Variants in TARP observed in about 807,000 individuals in gnomAD.
the TARP span, among the ~76,000 whole-genome samples, chr7:38,272,233 G>T: frequency 1.4e-4 from 21 of 150,222 alleles, no homozygotes; most frequent in Non-Finnish European, 2.8e-4. Flanking sequence ...ACCTTTCGTG[G>T]GTAGTAACTT....
At chr7:38,269,600 T>C in the TARP span, 1 of 623,986 alleles carries the variant, frequency 1.6e-6, no homozygotes. Context: ...CTTCAAATTC[T>C]GGTGGTCTGG....
chr7:38,265,336 C>G, the TARP span: 2 of 1,584,126 alleles, frequency 1.3e-6, no homozygotes, highest in Non-Finnish European at 1.7e-6. Flanking sequence ...AGATGATATG[C>G]GTAAACACAT....
the TARP span, chr7:38,259,919 C>T: frequency 3.2e-6 from 2 of 628,456 alleles, no homozygotes; most frequent in Non-Finnish European, 5.3e-6. Context: ...GAGTGAGGTT[C>T]TCTGTGTGCC....
the TARP span, among the ~76,000 whole-genome samples, chr7:38,267,950 A>T: frequency 6.6e-6 from 1 of 151,436 alleles, no homozygotes; most frequent in Non-Finnish European, 1.5e-5. Context: ...CCCTTTCTTT[A>T]GCTAGATTCT....
At chr7:38,268,867 G>T in the TARP span, among the ~76,000 whole-genome samples, 1 of 151,100 alleles carries the variant, frequency 6.6e-6, no homozygotes, top group Non-Finnish European at 1.5e-5. Flanking sequence ...CTCCATAGTA[G>T]ATCCCATTGT....
At chr7:38,265,282 G>A in the TARP span, 5 of 1,233,666 alleles carry the variant, frequency 4.1e-6, no homozygotes, top group South Asian at 5.8e-5. Flanking sequence ...CATTAATACT[G>A]AAAGGAAAAA....
chr7:38,269,212 T>G, the TARP span, among the ~76,000 whole-genome samples: 1 of 151,802 alleles, frequency 6.6e-6, no homozygotes, highest in Non-Finnish European at 1.5e-5. Context: ...ACATTTGGTC[T>G]CAGGGCCAGA....
the TARP span, among the ~76,000 whole-genome samples, chr7:38,266,937 T>C: frequency 6.6e-6 from 1 of 151,904 alleles, no homozygotes; most frequent in Non-Finnish European, 1.5e-5. Context: ...AACGCACTTA[T>C]CAAAATTTCA....
chr7:38,266,867 T>A, the TARP span, among the ~76,000 whole-genome samples: 2 of 151,816 alleles, frequency 1.3e-5, no homozygotes, highest in South Asian at 4.2e-4. Context: ...TTTCCAAAAC[T>A]CTTATTTAAA....
the TARP span, among the ~76,000 whole-genome samples, chr7:38,272,902 C>T: frequency 6.6e-6 from 1 of 151,170 alleles, no homozygotes; most frequent in African/African-American, 2.4e-5. Context: ...CATAAGATCT[C>T]AACCACTAAG....
the TARP span, among the ~76,000 whole-genome samples, chr7:38,268,849 G>C: frequency 0.015 from 2,201 of 151,320 alleles, 67 homozygotes; most frequent in African/African-American, 0.051. Context: ...GATGGACTGA[G>C]AGCAACTCTC....
the TARP span, chr7:38,265,408 C>T: frequency 6.2e-7 from 1 of 1,612,280 alleles, no homozygotes; most frequent in Non-Finnish European, 8.5e-7. Context: ...ATTCTCATGT[C>T]TGACGATACA....
At chr7:38,266,345 C>T in the TARP span, among the ~76,000 whole-genome samples, 2 of 151,346 alleles carry the variant, frequency 1.3e-5, no homozygotes, top group Non-Finnish European at 2.9e-5. Flanking sequence ...CTTGCTCTGT[C>T]GTCCAGGTTG....
chr7:38,272,352 T>A, the TARP span, among the ~76,000 whole-genome samples: 1 of 149,380 alleles, frequency 6.7e-6, no homozygotes, highest in Admixed American at 6.8e-5. Context: ...CCACTTTAGA[T>A]AAATAATCTC....
At chr7:38,272,678 A>G in the TARP span, among the ~76,000 whole-genome samples, 1 of 150,122 alleles carries the variant, frequency 6.7e-6, no homozygotes, top group African/African-American at 2.5e-5. Context: ...AACAACTGGT[A>G]AATCAAAATA....
At chr7:38,261,318 G>T in the TARP span, among the ~76,000 whole-genome samples, 3,400 of 151,640 alleles carry the variant, frequency 0.022, 92 homozygotes, top group Middle Eastern at 0.095. Flanking sequence ...TGAAATCCCA[G>T]ATCTAGCTGT....
chr7:38,261,205 G>GT, the TARP span, among the ~76,000 whole-genome samples: 1 of 151,624 alleles, frequency 6.6e-6, no homozygotes, highest in Non-Finnish European at 1.5e-5. Flanking sequence ...TGTCCGTTTT[G>GT]TTTCAGGTTC....
At chr7:38,272,076 C>T in the TARP span, among the ~76,000 whole-genome samples, 1 of 150,916 alleles carries the variant, frequency 6.6e-6, no homozygotes, top group Admixed American at 6.7e-5. Context: ...TGAGATAATA[C>T]GTAAAACATT....
the TARP span, among the ~76,000 whole-genome samples, chr7:38,272,364 A>G: frequency 6.7e-6 from 1 of 149,114 alleles, no homozygotes; most frequent in Non-Finnish European, 1.5e-5. Context: ...AATAATCTCC[A>G]TTATCTTCTT....
Sources: gnomAD v4.1 joint callset for allele counts (sites outside exome capture counted in the v4.1 genomes callset) on GRCh38, gnomAD v4.1.1 for gene constraint, MANE v1.5 for transcripts.